EDIL3: variants seen among roughly 807,000 people sequenced by gnomAD.
EDIL3 encodes the protein EGF-like repeat and discoidin I-like domain-containing protein 3.
Under a neutral mutation model 67.4 loss-of-function variants are expected in EDIL3, and 37 were observed. The observed-to-expected ratio is 0.55, with a 90% CI of 0.42 to 0.72. The LOEUF (loss-of-function observed/expected upper bound fraction) is 0.72, where lower values mean the gene tolerates loss of function less well. Among genes scored for constraint, EDIL3 ranks in the 30% least tolerant of loss-of-function variants. EDIL3 has a pLI of 0.00. For synonymous variants in EDIL3, 195 were observed against 196.3 expected, an observed-to-expected ratio of 0.99 and a Z score of 0.05; for missense variants, 527 against 586.3, an observed-to-expected ratio of 0.90 and a Z score of 1.04.
At chr5:84,226,978 A>AT (rs1252463667) in intron 3 of EDIL3, among the ~76,000 whole-genome samples, 4 of 152,002 alleles carry the variant, frequency 2.6e-5, no homozygotes, top group African/African-American at 7.2e-5. Flanking sequence ...ATACTTAAAT[A>AT]TAGCATACAC....
intron 3 of EDIL3, among the ~76,000 whole-genome samples, chr5:84,215,126 T>C (rs1744201598): frequency 1.3e-5 from 2 of 152,214 alleles, no homozygotes; most frequent in Admixed American, 1.3e-4. Context: ...AAGCATCTAC[T>C]ATGTATCAAA....
At chr5:84,301,624 G>A (rs1274614332) in intron 1 of EDIL3, among the ~76,000 whole-genome samples, 2 of 152,096 alleles carry the variant, frequency 1.3e-5, no homozygotes, top group Non-Finnish European at 2.9e-5. Context: ...CATACTTTTA[G>A]TAAAGAATGA....
At chr5:84,360,590 G>A (rs1216588475) in intron 1 of EDIL3, among the ~76,000 whole-genome samples, 2 of 152,106 alleles carry the variant, frequency 1.3e-5, no homozygotes, top group African/African-American at 4.8e-5. Context: ...ACTTGTGAAG[G>A]TTATCACCTC....
At chr5:84,193,716 T>C (rs572843383) in intron 3 of EDIL3, among the ~76,000 whole-genome samples, 8 of 152,062 alleles carry the variant, frequency 5.3e-5, no homozygotes, top group African/African-American at 1.9e-4. Flanking sequence ...TTCTGGCACA[T>C]TACTGCTTTG....
At chr5:84,155,562 C>T (rs576768375) in intron 4 of EDIL3, among the ~76,000 whole-genome samples, 2 of 152,228 alleles carry the variant, frequency 1.3e-5, no homozygotes, top group East Asian at 3.9e-4. Flanking sequence ...GGAATTAGTC[C>T]CGTGCTGAAT....
At chr5:84,080,411 GC>G (rs2112257472) in intron 6 of EDIL3, among the ~76,000 whole-genome samples, 1 of 151,538 alleles carries the variant, frequency 6.6e-6, no homozygotes, top group South Asian at 2.1e-4. Context: ...ACTCTTCACT[GC>G]CGCTGTGAAA....
At chr5:84,371,577 G>A (rs536631213) in intron 1 of EDIL3, among the ~76,000 whole-genome samples, 3 of 150,706 alleles carry the variant, frequency 2.0e-5, no homozygotes, top group African/African-American at 7.3e-5. Context: ...AAATTTGTGT[G>A]TTGCATTATT....
chr5:84,132,106 G>C (rs974324253), intron 5 of EDIL3, among the ~76,000 whole-genome samples: 3 of 149,904 alleles, frequency 2.0e-5, no homozygotes, highest in Non-Finnish European at 4.4e-5. Flanking sequence ...GTGGTGGCAG[G>C]CACCTGTAAT....
intron 5 of EDIL3, among the ~76,000 whole-genome samples, chr5:84,124,757 G>A (rs1747836790): frequency 6.6e-6 from 1 of 151,880 alleles, no homozygotes; most frequent in African/African-American, 2.4e-5. Context: ...AGCTTTGTGG[G>A]AACTTTTGTA....
intron 9 of EDIL3, among the ~76,000 whole-genome samples, chr5:84,006,520 T>C (rs747737400): frequency 1.3e-5 from 2 of 152,062 alleles, no homozygotes; most frequent in African/African-American, 2.4e-5. Flanking sequence ...AAGCTAAACA[T>C]TGAGTACACA....
At chr5:84,169,513 C>A (rs1748771685) in intron 4 of EDIL3, among the ~76,000 whole-genome samples, 1 of 151,952 alleles carries the variant, frequency 6.6e-6, no homozygotes, top group South Asian at 2.1e-4. Flanking sequence ...CACAAGGACA[C>A]CTCATGTTGC....
At chr5:84,132,650 G>A (rs983352273) in intron 5 of EDIL3, among the ~76,000 whole-genome samples, 2 of 135,990 alleles carry the variant, frequency 1.5e-5, no homozygotes, top group African/African-American at 5.5e-5. Flanking sequence ...TTATGTGCTT[G>A]GAAATACTAG....
chr5:84,142,821 C>A (rs1194259142), intron 4 of EDIL3, among the ~76,000 whole-genome samples: 10 of 123,406 alleles, frequency 8.1e-5, no homozygotes, highest in Non-Finnish European at 1.5e-4. Flanking sequence ...TAGACGGTGC[C>A]CCCCCCCCCA....
At chr5:84,076,089 A>C (rs1316217573) in intron 6 of EDIL3, among the ~76,000 whole-genome samples, 2 of 151,738 alleles carry the variant, frequency 1.3e-5, no homozygotes, top group African/African-American at 4.8e-5. Context: ...GAAAATAATT[A>C]TATTGTTCAA....
intron 6 of EDIL3, among the ~76,000 whole-genome samples, chr5:84,073,580 G>C (rs925592123): frequency 3.1e-4 from 47 of 152,230 alleles, no homozygotes; most frequent in African/African-American, 1.1e-3. Flanking sequence ...CAAATGATGA[G>C]TGAACTCCCA....
At chr5:84,336,740 T>C (rs546177482) in intron 1 of EDIL3, among the ~76,000 whole-genome samples, 1 of 152,274 alleles carries the variant, frequency 6.6e-6, no homozygotes, top group Admixed American at 6.5e-5. Flanking sequence ...GAATGCTAAA[T>C]ATCACTATAA....
chr5:84,055,395 T>C lies in EDIL3; in HGVS notation c.1137+4905A>G, dbSNP rs1746424046. ...GGCTATACCATTCAGGACATAGGCA[T>C]GGGCAAGGACTTCATGTCTAAAACA... On this transcript the variant is annotated intron_variant, in intron 9 of 10. Transcript: ENST00000296591. 1.4e-5 allele frequency among the ~76,000 whole-genome samples: 2 copies of C among 146,288 alleles called. 1 individual carries two copies. Among genetic ancestry groups the C allele is most frequent in the African/African-American group, 5.4e-5 (2 of 37,162 alleles).
At chr5:84,304,257 T>C (rs538696315) in intron 1 of EDIL3, among the ~76,000 whole-genome samples, 11 of 152,332 alleles carry the variant, frequency 7.2e-5, no homozygotes, top group African/African-American at 1.2e-4. Flanking sequence ...TTTAACATAA[T>C]GTAACATGTC....
At chr5:84,174,550 G>T (rs1421318204) in intron 4 of EDIL3, among the ~76,000 whole-genome samples, 9 of 152,310 alleles carry the variant, frequency 5.9e-5, no homozygotes, top group African/African-American at 1.9e-4. Context: ...CCCCCACCTT[G>T]TTGTCCCACT....
Sources: allele counts gnomAD v4.1 joint callset (sites outside exome capture counted in the v4.1 genomes callset), GRCh38; gene constraint gnomAD v4.1.1; transcripts MANE v1.5; gene names NCBI Gene and HGNC (gene_info 2026-07-23, HGNC 2026-07-21).